The following TMEM202 variants were observed in gnomAD, a reference collection of about 807,000 sequenced individuals.
The protein encoded by TMEM202 is transmembrane protein 202.
TMEM202 carries 25 observed loss-of-function variants against 26.1 expected under a neutral mutation model. The ratio of observed to expected loss-of-function variants is 0.96; its 90% confidence interval spans 0.70 to 1.34. The LOEUF (loss-of-function observed/expected upper bound fraction) is 1.34. TMEM202 is among the 40% of genes most tolerant of loss of function. The pLI is 0.00. For missense variants in TMEM202, 301 were observed against 327.7 expected, an observed-to-expected ratio of 0.92 and a Z score of 0.63; for synonymous variants, 122 against 119.0, an observed-to-expected ratio of 1.02 and a Z score of -0.16.
At chr15:72,402,799 G>T (rs964402078) in intron 2 of TMEM202, among the ~76,000 whole-genome samples, 1 of 152,120 alleles carries the variant, frequency 6.6e-6, no homozygotes, top group Non-Finnish European at 1.5e-5. Context: ...GCTGTGTAGG[G>T]ATGCTTTATT....
intron 4 of TMEM202, 30 bp downstream of exon 4, chr15:72,407,247 G>A: frequency 1.9e-6 from 3 of 1,608,884 alleles, no homozygotes; most frequent in South Asian, 1.1e-5. Context: ...TATGCTAGAA[G>A]GATGGATAGG....
rs547703741 is a variant in TMEM202 at position 72,401,951 on chromosome 15, ATTAT to A, written c.337+3060_337+3063del. 1.1e-3 allele frequency among the ~76,000 whole-genome samples: 166 copies of A among 152,082 alleles called. 1 individual carries two copies. Among genetic ancestry groups the A allele is most frequent in the Non-Finnish European group, 1.4e-3 (94 of 67,980 alleles). Reference sequence around the variant, plus strand: ...TATAATGTTATTATTGCCCGAATACATTATTTATTTATTTATTTATCTATTTATT... The same window carrying A: ...TATAATGTTATTATTGCCCGAATACATTATTTATTTATTTATCTATTTATT... On this transcript the variant is annotated intron_variant, in intron 2 of 4. Transcript: ENST00000341689.
In TMEM202 at chr15:72,407,106, C is replaced by T. The variant is rs775263924; in HGVS notation, c.508C>T (p.Leu170Phe). Residue 170 changes from leucine to phenylalanine, a missense_variant, in exon 4 of 5, where the codon CTC becomes TTC. By Grantham distance (22) the Leu-to-Phe change is conservative. Coordinates refer to ENST00000341689, the MANE Select transcript of TMEM202 (RefSeq NM_001080462.3). ...FISATCLLLC[L>F]NLFVAQVHWH... ...CCTAGCTACCTGCTTGCTCCTCTGC[C>T]TCAACCTGTTTGTGGCACAGGTTCA... is the stretch of plus-strand genomic sequence containing the variant. The T allele has an allele frequency of 6.2e-6, 10 of 1,612,480 alleles. No individual in the cohort carries two copies. In the East Asian group the frequency reaches 2.2e-4, roughly 36 times the overall value.
intron 2 of TMEM202, among the ~76,000 whole-genome samples, chr15:72,405,989 G>C (rs2063569116): frequency 6.6e-6 from 1 of 152,180 alleles, no homozygotes; most frequent in Non-Finnish European, 1.5e-5. Context: ...GACAAGGCCT[G>C]TACATGCCAG....
chr15:72,403,203 G>T (rs2063556593), intron 2 of TMEM202, among the ~76,000 whole-genome samples: 1 of 152,088 alleles, frequency 6.6e-6, no homozygotes, highest in Admixed American at 6.6e-5. Context: ...CTTTCTGGTT[G>T]GGTGATGCCC....
At position 72,407,089 on chromosome 15, in the gene TMEM202, C is replaced by A; in HGVS notation, c.491C>A (p.Thr164Asn). ...KVSMLSFISA[T>N]CLLLCLNLFV... ...ACATCTTTCCTTCTGGTCCTAGCTA[C>A]CTGCTTGCTCCTCTGCCTCAACCTG... is the stretch of plus-strand genomic sequence containing the variant. Residue 164 changes from threonine to asparagine, a missense_variant, in exon 4 of 5, where the codon ACC (threonine) becomes AAC (asparagine). Transcript: ENST00000341689. 1 of 1,611,978 alleles carries A rather than the reference C, an allele frequency of 6.2e-7. No homozygotes were observed. The highest frequency in any genetic ancestry group is 8.5e-7 in the Non-Finnish European group (1 of 1,179,664).
At chr15:72,400,918 G>A (rs749701022) in intron 2 of TMEM202, among the ~76,000 whole-genome samples, 21 of 152,176 alleles carry the variant, frequency 1.4e-4, no homozygotes, top group Non-Finnish European at 2.6e-4. Context: ...GGCAATTCCC[G>A]GAACTAAGGG....
At chr15:72,406,494 T>TC in intron 2 of TMEM202, 108 bp from the exon 3 acceptor site, 6 of 845,160 alleles carry the variant, frequency 7.1e-6, no homozygotes, top group Non-Finnish European at 1.1e-5. Flanking sequence ...CAAGCTCTGC[T>TC]CCATCATCCT....
At position 72,407,787 on chromosome 15, in the gene TMEM202, G is replaced by C. The variant is rs754619764; in HGVS notation, c.716G>C (p.Gly239Ala). ...IPTERSRLGVGPVTTVSPAKD... is the reference protein window; with the variant it reads ...IPTERSRLGVAPVTTVSPAKD... ...ACAGAGAGATCAAGGCTGGGGGTTG[G>C]TCCGGTGACTACAGTATCACCTGCT... Residue 239 changes from glycine to alanine, a missense_variant, in exon 5 of 5, where the codon GGT becomes GCT. Coordinates refer to ENST00000341689, the MANE Select transcript of TMEM202 (RefSeq NM_001080462.3). 1.9e-6 allele frequency: 3 copies of C among 1,614,066 alleles called. No homozygotes were observed. The South Asian group carries it at 3.3e-5, about 18-fold the overall frequency.
chr15:72,405,134 A>G (rs940832574), intron 2 of TMEM202, among the ~76,000 whole-genome samples: 3 of 152,156 alleles, frequency 2.0e-5, no homozygotes, highest in African/African-American at 7.2e-5. Flanking sequence ...CAGATATTAG[A>G]CTGGATAAGC....
intron 2 of TMEM202, among the ~76,000 whole-genome samples, chr15:72,404,949 A>T (rs888516147): frequency 3.3e-5 from 5 of 152,202 alleles, no homozygotes; most frequent in African/African-American, 1.2e-4. Context: ...TGCATAACCC[A>T]GTCTTCAGAA....
At chr15:72,405,621 G>A (rs2063567225) in intron 2 of TMEM202, among the ~76,000 whole-genome samples, 1 of 152,124 alleles carries the variant, frequency 6.6e-6, no homozygotes, top group Non-Finnish European at 1.5e-5. Context: ...TAAAAAAAAA[G>A]TGGAGGGAAA....
At chr15:72,405,320 C>G (rs1405651546) in intron 2 of TMEM202, among the ~76,000 whole-genome samples, 1 of 152,068 alleles carries the variant, frequency 6.6e-6, no homozygotes, top group Non-Finnish European at 1.5e-5. Flanking sequence ...TGAAGATATT[C>G]CTGGGTGTCT....
Position 72,407,727 on chromosome 15 carries a change from C to A in TMEM202, c.656C>A (p.Ser219Ter), listed in dbSNP as rs143780703. 3 of 1,613,814 alleles carry A rather than the reference C, an allele frequency of 1.9e-6. No individual in the cohort carries two copies. Among genetic ancestry groups the A allele is most frequent in the Admixed American group, 3.3e-5 (2 of 59,992 alleles). The change falls in exon 5 of 5, where the codon TCG becomes TAG. Residue 219 changes from serine to a stop codon, truncating the protein, a stop_gained. Coordinates refer to ENST00000341689, the MANE Select transcript of TMEM202 (RefSeq NM_001080462.3). LOFTEE classifies it low-confidence loss of function (END_TRUNC). Reference sequence around the variant, plus strand: ...CTTCTCAACTACTTAACTTCCAGATCGCCTGCCTGTGATGAAAACGTCACT... The same window carrying A: ...CTTCTCAACTACTTAACTTCCAGATAGCCTGCCTGTGATGAAAACGTCACT... ...ISLLNYLTSR[S>*]PACDENVTVI...
At chr15:72,402,577 T>G (rs1391384390) in intron 2 of TMEM202, among the ~76,000 whole-genome samples, 1 of 152,178 alleles carries the variant, frequency 6.6e-6, no homozygotes, top group Admixed American at 6.5e-5. Flanking sequence ...ATTCTTCACT[T>G]TTACTAGGAA....
intron 2 of TMEM202, among the ~76,000 whole-genome samples, chr15:72,405,056 A>G (rs1180525429): frequency 6.6e-6 from 1 of 152,178 alleles, no homozygotes; most frequent in Non-Finnish European, 1.5e-5. Flanking sequence ...GTTTCTCTGA[A>G]TGGAAATTCC....
chr15:72,407,007 G>A, intron 3 of TMEM202, 79 bp from the exon 4 acceptor site: 1 of 1,571,488 alleles, frequency 6.4e-7, no homozygotes, highest in Non-Finnish European at 8.6e-7. Flanking sequence ...ATGGCCTCTG[G>A]AGGCCAAAGA....
At chr15:72,399,011 T>G in intron 2 of TMEM202, 103 bp downstream of exon 2, 2 of 1,378,696 alleles carry the variant, frequency 1.5e-6, no homozygotes, top group Non-Finnish European at 2.0e-6. Context: ...TCTTTTGGCC[T>G]TCACCTCTCC....
chr15:72,407,346 G>A (rs1224445413), intron 4 of TMEM202, 129 bp downstream of exon 4: 3 of 1,136,962 alleles, frequency 2.6e-6, no homozygotes, highest in African/African-American at 1.6e-5. Flanking sequence ...GGAGAGTCAG[G>A]GGGGCATAAT....
Sources: allele counts gnomAD v4.1 joint callset (sites outside exome capture counted in the v4.1 genomes callset), GRCh38; gene constraint gnomAD v4.1.1; transcripts MANE v1.5; gene names NCBI Gene and HGNC (gene_info 2026-07-23, HGNC 2026-07-21).